PXDNL: variants seen among roughly 807,000 people sequenced by gnomAD.
PXDNL encodes probable oxidoreductase PXDNL.
In PXDNL, 145 loss-of-function variants were observed where a neutral mutation model predicts 150.8. The observed-to-expected ratio is 0.96, with a 90% confidence interval of 0.84 to 1.10. The LOEUF is 1.10. Ranked by LOEUF, PXDNL falls within the 50% of genes least tolerant of loss-of-function variation. PXDNL has a pLI of 0.00. For missense variants in PXDNL, 2,087 were observed against 1,873.9 expected, an observed-to-expected ratio of 1.11 and a Z score of -2.10; for synonymous variants, 757 against 725.7, an observed-to-expected ratio of 1.04 and a Z score of -0.69.
chr8:51,655,989 G>A lies in PXDNL; in HGVS notation c.165-1229C>T, dbSNP rs375947120. ...TGCTGTCATTTTGATAAACTAATTT[G>A]AGCTGAATTTCTCTCTCTAACGCAA... On this transcript the variant is annotated intron_variant, in intron 1 of 22. Transcript: ENST00000356297. Among the ~76,000 whole-genome samples, 5 of 152,234 alleles carry A rather than the reference G, an allele frequency of 3.3e-5. No homozygotes were observed. The East Asian group carries it at 9.7e-4, about 29-fold the overall frequency.
Position 51,344,860 on chromosome 8 carries a change from T to A in PXDNL, c.4016+973A>T, listed in dbSNP as rs141408024. ...GAAATGGAGATTTGGAAATTTTATA[T>A]AACATGCATAGTTATGAAGCAGTAG... On this transcript the variant is annotated intron_variant, in intron 20 of 22. Coordinates refer to ENST00000356297, the MANE Select transcript of PXDNL (RefSeq NM_144651.5). 8.1e-4 allele frequency among the ~76,000 whole-genome samples: 123 copies of A among 152,324 alleles called. 1 individual carries two copies. The highest frequency in any genetic ancestry group is 2.9e-3 in the African/African-American group (119 of 41,576).
chr8:51,782,400 A>T (rs139470023), intron 1 of PXDNL, among the ~76,000 whole-genome samples: 11 of 152,304 alleles, frequency 7.2e-5, no homozygotes, highest in African/African-American at 1.9e-4. Context: ...AAATATCAGG[A>T]TAAATGCTTC....
At chr8:51,397,279 A>G (rs1808110875) in intron 17 of PXDNL, among the ~76,000 whole-genome samples, 1 of 152,246 alleles carries the variant, frequency 6.6e-6, no homozygotes, top group African/African-American at 2.4e-5. Flanking sequence ...TGTTACAATT[A>G]TGACCAAATT....
At chr8:51,349,178 T>A (rs113594565) in intron 19 of PXDNL, among the ~76,000 whole-genome samples, 2 of 39,734 alleles carry the variant, frequency 5.0e-5, no homozygotes, top group Non-Finnish European at 1.9e-4. Flanking sequence ...TGTGTGGGGG[T>A]GTGTGTGTGT....
intron 2 of PXDNL, among the ~76,000 whole-genome samples, chr8:51,613,816 G>C (rs1814073586): frequency 6.6e-6 from 1 of 152,178 alleles, no homozygotes; most frequent in Non-Finnish European, 1.5e-5. Context: ...GAGCAAGCAT[G>C]GTTGAATACG....
intron 1 of PXDNL, among the ~76,000 whole-genome samples, chr8:51,744,314 G>A (rs2036950021): frequency 6.7e-6 from 1 of 149,512 alleles, no homozygotes; most frequent in African/African-American, 2.5e-5. Flanking sequence ...GAAAGAGAAA[G>A]AAAGAAAGAA....
At chr8:51,738,777 C>T (rs1793440325) in intron 1 of PXDNL, among the ~76,000 whole-genome samples, 1 of 151,970 alleles carries the variant, frequency 6.6e-6, no homozygotes, top group South Asian at 2.1e-4. Context: ...ATAGTCAGTC[C>T]CAGATGGTTT....
chr8:51,755,009 G>A (rs1316963451), intron 1 of PXDNL, among the ~76,000 whole-genome samples: 1 of 152,146 alleles, frequency 6.6e-6, no homozygotes, highest in Non-Finnish European at 1.5e-5. Flanking sequence ...TAGGCACCCT[G>A]CACTGCAAAC....
intron 2 of PXDNL, among the ~76,000 whole-genome samples, chr8:51,637,883 C>A (rs1409813202): frequency 6.6e-6 from 1 of 152,076 alleles, no homozygotes; most frequent in African/African-American, 2.4e-5. Flanking sequence ...AAGAGCAACT[C>A]CAAGACATAT....
chr8:51,685,923 G>A (rs4873571), intron 1 of PXDNL, among the ~76,000 whole-genome samples: 128,037 of 152,246 alleles, frequency 0.84, 54,129 homozygotes, highest in African/African-American at 0.93. Flanking sequence ...GAATTAATGA[G>A]TATTACATAA....
intron 1 of PXDNL, among the ~76,000 whole-genome samples, chr8:51,752,540 G>A (rs1006729118): frequency 6.6e-6 from 1 of 152,092 alleles, no homozygotes; most frequent in Admixed American, 6.5e-5. Flanking sequence ...GACCTGGCCT[G>A]CCACAGAAGG....
chr8:51,597,391 T>C (rs1813593196), intron 2 of PXDNL, among the ~76,000 whole-genome samples: 1 of 152,174 alleles, frequency 6.6e-6, no homozygotes, highest in Non-Finnish European at 1.5e-5. Context: ...TGGAGGTATT[T>C]AGGGTTTCAT....
intron 1 of PXDNL, among the ~76,000 whole-genome samples, chr8:51,719,022 G>A (rs542260244): frequency 1.9e-4 from 29 of 151,758 alleles, no homozygotes; most frequent in East Asian, 3.9e-4. Flanking sequence ...CAGCCGCCCC[G>A]TCCGGGAGGG....
Position 51,739,788 on chromosome 8 carries a change from A to G in PXDNL, c.164+69393T>C, listed in dbSNP as rs1408207196. Reference sequence around the variant, plus strand: ...CTACTCAGGAGGCTGAGGCAGGAGAATGGCGTGAACCCAGGAGGTGGAGCT... The same window carrying G: ...CTACTCAGGAGGCTGAGGCAGGAGAGTGGCGTGAACCCAGGAGGTGGAGCT... On this transcript the variant is annotated intron_variant, in intron 1 of 22. Coordinates refer to ENST00000356297, the MANE Select transcript of PXDNL (RefSeq NM_144651.5). Among the ~76,000 whole-genome samples, 4 of 151,144 alleles carry G rather than the reference A, an allele frequency of 2.6e-5. No individual in the cohort carries two copies. In the Admixed American group the frequency reaches 2.6e-4, roughly 10 times the overall value.
intron 4 of PXDNL, among the ~76,000 whole-genome samples, chr8:51,507,485 C>T (rs913715442): frequency 6.6e-6 from 1 of 152,186 alleles, no homozygotes; most frequent in Non-Finnish European, 1.5e-5. Context: ...AACTGAATCA[C>T]ACATTTCCTT....
intron 17 of PXDNL, among the ~76,000 whole-genome samples, chr8:51,385,568 CCT>C (rs1013307632): frequency 4.6e-5 from 7 of 152,150 alleles, no homozygotes; most frequent in African/African-American, 7.2e-5. Flanking sequence ...ATTAACAGCC[CCT>C]GATTTAAAGA....
intron 2 of PXDNL, among the ~76,000 whole-genome samples, chr8:51,644,318 T>TTTTATATATATATATA (rs1814853098): frequency 1.6e-5 from 1 of 63,270 alleles, no homozygotes; most frequent in Non-Finnish European, 4.2e-5. Context: ...AGGCACATTT[T>TTTTATATATATATATA]TACATATATA....
chr8:51,437,296 C>G (rs114404500), intron 12 of PXDNL, among the ~76,000 whole-genome samples: 1,611 of 152,240 alleles, frequency 0.011, 31 homozygotes, highest in African/African-American at 0.037. Context: ...TGACACTATT[C>G]CACAAGACAG....
At chr8:51,496,273 T>C (rs1811046114) in intron 5 of PXDNL, among the ~76,000 whole-genome samples, 1 of 152,196 alleles carries the variant, frequency 6.6e-6, no homozygotes, top group Non-Finnish European at 1.5e-5. Flanking sequence ...ATTGATGAGA[T>C]GTATCTCAAA....
Sources: allele counts gnomAD v4.1 joint callset (sites outside exome capture counted in the v4.1 genomes callset), GRCh38; gene constraint gnomAD v4.1.1; transcripts MANE v1.5; gene names NCBI Gene and HGNC (gene_info 2026-07-23, HGNC 2026-07-21).